PDZK1: variants seen among roughly 807,000 people sequenced by gnomAD.
The protein encoded by PDZK1 is PDZ domain containing 1, also known as Na(+)/H(+) exchange regulatory cofactor NHE-RF3.
In PDZK1, 23 loss-of-function variants were observed where a neutral mutation model predicts 38.1. The observed-to-expected ratio is 0.60, with a 90% confidence interval of 0.43 to 0.85. The LOEUF is 0.85. Ranked by LOEUF, PDZK1 falls within the 40% of genes least tolerant of loss-of-function variation. PDZK1 has a pLI of 0.00. For synonymous variants in PDZK1, 98 were observed against 186.2 expected (o/e 0.53, Z 3.86); for missense variants, 297 against 504.3 (o/e 0.59, Z 3.94).
chr1:145,702,859 C>G (rs1553705190), intron 1 of PDZK1, among the ~76,000 whole-genome samples: 1 of 152,146 alleles, frequency 6.6e-6, no homozygotes, highest in Non-Finnish European at 1.5e-5. Flanking sequence ...TGCCACTGCA[C>G]CCCAGCCTGG....
intron 8 of PDZK1, 97 bp downstream of exon 8, chr1:145,672,633 A>G: frequency 6.7e-7 from 1 of 1,483,712 alleles, no homozygotes; most frequent in Non-Finnish European, 9.2e-7. Context: ...CTAGTTTTAA[A>G]AAAATCTGTG....
rs1653382193 is a variant in PDZK1 at position 145,674,058 on chromosome 1, CTG to C, written c.991-179_991-178del. 8.5e-6 allele frequency: 6 copies of C among 702,462 alleles called. No individual in the cohort carries two copies. In the South Asian group the frequency reaches 3.9e-4, roughly 46 times the overall value. 43.5% of individuals were successfully genotyped at this position (702,462 alleles called of 1,614,324 possible). On this transcript the variant is annotated intron_variant, in intron 6 of 8. Coordinates refer to ENST00000417171, the MANE Select transcript of PDZK1 (RefSeq NM_001201325.2). ...CAACCAGGAAAGGTATAAAAGAAGA[CTG>C]TGCTTCGTTATGGAGTAATATGTGT...
intron 1 of PDZK1, among the ~76,000 whole-genome samples, chr1:145,695,822 G>C (rs1352371212): frequency 6.6e-6 from 1 of 152,244 alleles, no homozygotes; most frequent in African/African-American, 2.4e-5. Context: ...GAAGGTGACA[G>C]AGGTGGAGGA....
At chr1:145,676,856 A>G (rs1376120944) in intron 6 of PDZK1, among the ~76,000 whole-genome samples, 1 of 151,910 alleles carries the variant, frequency 6.6e-6, no homozygotes, top group Non-Finnish European at 1.5e-5. Flanking sequence ...TTCCCTGGTT[A>G]CCCTTGTCAT....
chr1:145,702,487 C>CA (rs1656014874), intron 1 of PDZK1, among the ~76,000 whole-genome samples: 1 of 152,002 alleles, frequency 6.6e-6, no homozygotes, highest in African/African-American at 2.4e-5. Flanking sequence ...TCTACCCCCC[C>CA]ACTTTTTTTT....
chr1:145,696,050 A>T (rs587594293), intron 1 of PDZK1, among the ~76,000 whole-genome samples: 1 of 151,974 alleles, frequency 6.6e-6, no homozygotes, highest in African/African-American at 2.4e-5. Context: ...ATGATGGCTT[A>T]CTCCCCTGGC....
intron 1 of PDZK1, among the ~76,000 whole-genome samples, chr1:145,695,319 G>C (rs773086594): frequency 4.6e-5 from 7 of 152,138 alleles, no homozygotes; most frequent in Non-Finnish European, 8.8e-5. Context: ...CTATTGAGGA[G>C]GCTGAGGCAG....
intron 2 of PDZK1, among the ~76,000 whole-genome samples, chr1:145,687,524 C>CAAAAAA (rs11420111): frequency 1.1e-4 from 7 of 64,612 alleles, no homozygotes; most frequent in African/African-American, 1.3e-4. Flanking sequence ...AACTCCATCT[C>CAAAAAA]AAAAAAAAAA....
intron 1 of PDZK1, among the ~76,000 whole-genome samples, chr1:145,701,711 C>A (rs1432522040): frequency 6.6e-6 from 1 of 152,182 alleles, no homozygotes; most frequent in Admixed American, 6.5e-5. Flanking sequence ...TGCCACAGAG[C>A]CTTGGCACAT....
chr1:145,673,452 GAAAC>G (rs1366637122), intron 7 of PDZK1, among the ~76,000 whole-genome samples: 2 of 148,372 alleles, frequency 1.3e-5, no homozygotes, highest in Non-Finnish European at 3.0e-5. Flanking sequence ...AGATGTTTGG[GAAAC>G]AAACAAACGT....
intron 1 of PDZK1, among the ~76,000 whole-genome samples, chr1:145,689,841 T>TAGC (rs1484687762): frequency 2.0e-5 from 3 of 152,118 alleles, no homozygotes; most frequent in Admixed American, 6.5e-5. Flanking sequence ...TGATTGAAGA[T>TAGC]AGCCATCCCT....
chr1:145,695,325 G>A (rs1159043328), intron 1 of PDZK1, among the ~76,000 whole-genome samples: 1 of 152,132 alleles, frequency 6.6e-6, no homozygotes, highest in Non-Finnish European at 1.5e-5. Context: ...AGGAGGCTGA[G>A]GCAGGAGAAT....
In PDZK1 at chr1:145,687,952, G is replaced by A. The variant is rs1553702265; in HGVS notation, c.70C>T (p.Leu24=). The A allele has an allele frequency of 6.2e-7, 1 of 1,612,334 alleles. No individual in the cohort carries two copies. Among genetic ancestry groups the A allele is most frequent in the Non-Finnish European group, 8.5e-7 (1 of 1,179,566 alleles). ...CCCTCGGTGTCCTTCTCAATTCGCAGGAAGAAGCCATAGTTTTGCCCTTCT... is the reference window on the plus strand; with the variant it reads ...CCCTCGGTGTCCTTCTCAATTCGCAAGAAGAAGCCATAGTTTTGCCCTTCT... ...KQEGQNYGFF[L]RIEKDTEGHL... Residue 24 remains leucine, a synonymous_variant, in exon 2 of 9, where the codon CTG becomes TTG. Coordinates refer to ENST00000417171, the MANE Select transcript of PDZK1 (RefSeq NM_001201325.2).
At chr1:145,706,877 G>C (rs1571652824) in intron 1 of PDZK1, among the ~76,000 whole-genome samples, 2 of 151,770 alleles carry the variant, frequency 1.3e-5, no homozygotes, top group African/African-American at 4.8e-5. Context: ...TAGTGGGCAA[G>C]CTAAGTTAGG....
intron 1 of PDZK1, among the ~76,000 whole-genome samples, chr1:145,696,363 T>A (rs587682918): frequency 6.6e-6 from 1 of 152,328 alleles, no homozygotes; most frequent in East Asian, 1.9e-4. Flanking sequence ...TATTATAGAC[T>A]GATTTTTGCC....
At chr1:145,698,339 A>T (rs1242112146) in intron 1 of PDZK1, among the ~76,000 whole-genome samples, 4 of 152,110 alleles carry the variant, frequency 2.6e-5, no homozygotes, top group Non-Finnish European at 4.4e-5. Context: ...GTCCCCATTT[A>T]AAAAAACTGA....
chr1:145,683,992 G>A (rs1277578829), intron 3 of PDZK1, among the ~76,000 whole-genome samples: 4 of 151,572 alleles, frequency 2.6e-5, no homozygotes, highest in East Asian at 3.9e-4. Context: ...GACTACAGGC[G>A]CCTGCCACCG....
intron 1 of PDZK1, among the ~76,000 whole-genome samples, chr1:145,693,803 G>A (rs587696455): frequency 2.7e-5 from 4 of 149,732 alleles, no homozygotes; most frequent in Admixed American, 1.3e-4. Flanking sequence ...AGGCTGCCTC[G>A]ACTCCTCCTG....
intron 1 of PDZK1, among the ~76,000 whole-genome samples, chr1:145,688,446 C>G (rs185444170): frequency 1.1e-3 from 169 of 152,284 alleles, no homozygotes; most frequent in Non-Finnish European, 1.9e-3. Context: ...GGACCCATAC[C>G]TTGCCTCTTC....
Sources: allele counts gnomAD v4.1 joint callset (sites outside exome capture counted in the v4.1 genomes callset), GRCh38; gene constraint gnomAD v4.1.1; transcripts MANE v1.5; gene names NCBI Gene and HGNC (gene_info 2026-07-23, HGNC 2026-07-21).